Variants in JPH1 observed in about 807,000 individuals in gnomAD.
The protein encoded by JPH1 is junctophilin-1.
Under a neutral mutation model 53.6 loss-of-function variants are expected in JPH1, and 12 were observed. The ratio of observed to expected loss-of-function variants is 0.22; its 90% CI spans 0.14 to 0.36. JPH1 has a LOEUF of 0.36. JPH1 is among the 10% of genes least tolerant of loss of function. The pLI is 1.00. For synonymous variants in JPH1, 375 were observed against 363.8 expected, an observed-to-expected ratio of 1.03 and a Z score of -0.35; for missense variants, 808 against 905.5, an observed-to-expected ratio of 0.89 and a Z score of 1.38.
At chr8:74,291,569 C>T (rs182958336) in intron 2 of JPH1, among the ~76,000 whole-genome samples, 1,885 of 152,238 alleles carry the variant, frequency 0.012, 38 homozygotes, top group African/African-American at 0.043. Context: ...GTCGGTGTGG[C>T]GATTCCTCAA....
intron 4 of JPH1, among the ~76,000 whole-genome samples, chr8:74,237,552 C>T (rs777225346): frequency 1.3e-5 from 2 of 152,192 alleles, no homozygotes; most frequent in Non-Finnish European, 2.9e-5. Flanking sequence ...ACAACTGATC[C>T]ACTTCATTCA....
At chr8:74,300,553 A>T (rs1245050739) in intron 2 of JPH1, among the ~76,000 whole-genome samples, 3 of 152,206 alleles carry the variant, frequency 2.0e-5, no homozygotes, top group Non-Finnish European at 4.4e-5. Flanking sequence ...CTGCTACTTC[A>T]AAATGGTTTT....
intron 2 of JPH1, among the ~76,000 whole-genome samples, chr8:74,282,594 G>A (rs552698501): frequency 1.6e-4 from 24 of 152,226 alleles, no homozygotes; most frequent in Admixed American, 5.2e-4. Context: ...ATTCTTTTGC[G>A]GAAGCTGAAA....
intron 4 of JPH1, among the ~76,000 whole-genome samples, chr8:74,242,052 A>C (rs1281846015): frequency 6.6e-6 from 1 of 152,172 alleles, no homozygotes; most frequent in African/African-American, 2.4e-5. Flanking sequence ...AGGGGTCACA[A>C]AAGTTTCTTG....
intron 3 of JPH1, among the ~76,000 whole-genome samples, chr8:74,248,313 A>C (rs1805924040): frequency 6.6e-6 from 1 of 152,232 alleles, no homozygotes; most frequent in African/African-American, 2.4e-5. Context: ...AAAAATTCCT[A>C]GCTTTATTAT....
chr8:74,284,956 C>T (rs1438121061), intron 2 of JPH1, among the ~76,000 whole-genome samples: 1 of 152,006 alleles, frequency 6.6e-6, no homozygotes, highest in Non-Finnish European at 1.5e-5. Context: ...TCCTGAGTAG[C>T]TGGGATTACA....
chr8:74,297,342 C>T (rs576660607), intron 2 of JPH1, among the ~76,000 whole-genome samples: 9 of 152,196 alleles, frequency 5.9e-5, no homozygotes, highest in South Asian at 2.1e-4. Flanking sequence ...CTATTACAAA[C>T]CAGAGAGGGA....
intron 4 of JPH1, among the ~76,000 whole-genome samples, chr8:74,241,290 C>T (rs763821890): frequency 3.1e-4 from 47 of 152,066 alleles, no homozygotes; most frequent in Non-Finnish European, 4.7e-4. Flanking sequence ...CCTCTGTGTT[C>T]TTTATATACC....
rs747098361 is a variant in JPH1 at position 74,315,121 on chromosome 8, G to T, written c.879C>A (p.Phe293Leu). The part of the protein sequence containing the change: ...GEWKNDKRNG[F>L]GVSERSNGMK... ...TGCCATTGGAGCGCTCGCTAACGCC[G>T]AAGCCGTTGCGCTTGTCGTTCTTCC... Residue 293 changes from phenylalanine to leucine, a missense_variant, in exon 2 of 6, where the codon TTC becomes TTA. Transcript: ENST00000342232. This position sits in a 1 kb window ranked among gnomAD's most constrained non-coding sequence, Gnocchi z 6.3. 6.2e-7 allele frequency: 1 copy of T among 1,614,194 alleles called. No homozygotes were observed. Among genetic ancestry groups the T allele is most frequent in the South Asian group, 1.1e-5 (1 of 91,086 alleles).
At chr8:74,303,587 ATTT>A in intron 2 of JPH1, among the ~76,000 whole-genome samples, 1 of 151,954 alleles carries the variant, frequency 6.6e-6, no homozygotes, top group East Asian at 1.9e-4. Context: ...GCAGATAACT[ATTT>A]TTTTATTTTT....
At position 74,321,347 on chromosome 8, in the gene JPH1, G is replaced by A. The variant is rs1338360835; in HGVS notation, c.-60C>T. On this transcript the variant is annotated 5_prime_UTR_variant, in exon 1 of 6. Coordinates refer to ENST00000342232, the MANE Select transcript of JPH1 (RefSeq NM_020647.4). This position sits in a 1 kb window ranked among gnomAD's most constrained non-coding sequence, Gnocchi z 4.3. ...CACGGACGCGGGCAGTGCTGGGCAC[G>A]GCAGGGTGTAGCTCGGGGGTGGGGG... 2.1e-6 allele frequency: 3 copies of A among 1,435,788 alleles called. No individual in the cohort carries two copies. The highest frequency in any genetic ancestry group is 1.5e-5 in the African/African-American group (1 of 67,654). 88.9% of individuals were successfully genotyped at this position (1,435,788 alleles called of 1,614,324 possible). A position where few individuals can be genotyped will look rare whatever the true frequency, so the allele number is the denominator to read the frequency against.
intron 3 of JPH1, among the ~76,000 whole-genome samples, chr8:74,248,439 T>C (rs1317141763): frequency 2.0e-5 from 3 of 152,246 alleles, no homozygotes; most frequent in Admixed American, 2.0e-4. Flanking sequence ...TAAGTATGAA[T>C]TGAAGCCTAG....
chr8:74,242,446 C>T (rs1192145365), intron 4 of JPH1, among the ~76,000 whole-genome samples: 2 of 152,218 alleles, frequency 1.3e-5, no homozygotes, highest in African/African-American at 4.8e-5. Context: ...AGCTGGTAAG[C>T]AACAGAGCTG....
intron 3 of JPH1, among the ~76,000 whole-genome samples, chr8:74,245,794 A>AT (rs201944441): frequency 0.011 from 1,585 of 148,826 alleles, 23 homozygotes; most frequent in South Asian, 0.029. Context: ...TAGCTTCAAG[A>AT]TTTTTTTTTT....
At chr8:74,309,623 G>C (rs182531803) in intron 2 of JPH1, among the ~76,000 whole-genome samples, 3 of 152,210 alleles carry the variant, frequency 2.0e-5, no homozygotes, top group African/African-American at 7.2e-5. Flanking sequence ...TGACATCTTT[G>C]AACACCTCAT....
At chr8:74,313,110 T>C (rs367689437) in intron 2 of JPH1, among the ~76,000 whole-genome samples, 2 of 152,234 alleles carry the variant, frequency 1.3e-5, no homozygotes, top group Non-Finnish European at 2.9e-5. Context: ...TGTTAAAGTG[T>C]TCTGCACAGG....
rs953035062 is a variant in JPH1 at position 74,253,438 on chromosome 8, C to A, written c.1258+5947G>T. On this transcript the variant is annotated intron_variant, in intron 3 of 5. Coordinates refer to ENST00000342232, the MANE Select transcript of JPH1 (RefSeq NM_020647.4). The stretch of plus-strand genomic sequence containing the variant: ...AGCACTAAATGCCCACAAGAGAAAG[C>A]AGGAAAGATCTAAAATTGACACCCT... Among the ~76,000 whole-genome samples the A allele has an allele frequency of 3.9e-5, 6 of 152,122 alleles. No individual in the cohort carries two copies. In the South Asian group the frequency reaches 6.2e-4, roughly 16 times the overall value.
intron 2 of JPH1, among the ~76,000 whole-genome samples, chr8:74,285,029 T>A (rs959973322): frequency 6.6e-6 from 1 of 152,144 alleles, no homozygotes; most frequent in Admixed American, 6.5e-5. Flanking sequence ...TTCACCATGC[T>A]GGTCAGGCTG....
intron 2 of JPH1, 67 bp downstream of exon 2, chr8:74,314,794 A>G (rs1210186083): frequency 4.5e-6 from 7 of 1,551,870 alleles, no homozygotes; most frequent in Non-Finnish European, 6.1e-6. Context: ...CAGATAGACA[A>G]ACATAATATT....
Sources: allele counts gnomAD v4.1 joint callset (sites outside exome capture counted in the v4.1 genomes callset), GRCh38; gene constraint gnomAD v4.1.1; non-coding constraint Gnocchi (gnomAD v3.1); transcripts MANE v1.5; gene names NCBI Gene and HGNC (gene_info 2026-07-23, HGNC 2026-07-21).